The following LGSN variants were observed in gnomAD, a reference collection of about 807,000 sequenced individuals.
LGSN encodes the protein lengsin, lens protein with glutamine synthetase domain, also known as lengsin.
LGSN carries 21 observed loss-of-function variants against 19.5 expected under a neutral mutation model. The ratio of observed to expected loss-of-function variants is 1.07; its 90% CI spans 0.76 to 1.55. The LOEUF is 1.55. Ranked by LOEUF, LGSN falls within the 40% of genes most tolerant of loss-of-function variation. The pLI is 0.00. For synonymous variants in LGSN, 257 were observed against 215.6 expected (o/e 1.19, Z -1.68); for missense variants, 673 against 608.5 (o/e 1.11, Z -1.12).
chr6:63,401,688 G>C, the LGSN span, among the ~76,000 whole-genome samples: 1 of 152,212 alleles, frequency 6.6e-6, no homozygotes, highest in African/African-American at 2.4e-5. Context: ...GGGCGTGTAG[G>C]TGAAAATTGT....
At chr6:63,436,433 A>G in the LGSN span, among the ~76,000 whole-genome samples, 1 of 152,174 alleles carries the variant, frequency 6.6e-6, no homozygotes, top group Admixed American at 6.5e-5. Flanking sequence ...ATCATATAGC[A>G]TTGGTTATTA....
the LGSN span, among the ~76,000 whole-genome samples, chr6:63,380,931 T>C: frequency 1.3e-5 from 2 of 152,298 alleles, no homozygotes; most frequent in Admixed American, 1.3e-4. Context: ...GCGTGGTGGC[T>C]CAGGCCTGTA....
At chr6:63,297,276 G>A (rs554597244) in intron 1 of LGSN, among the ~76,000 whole-genome samples, 2 of 150,692 alleles carry the variant, frequency 1.3e-5, no homozygotes, top group South Asian at 2.1e-4. Flanking sequence ...AGAGGCAGCC[G>A]AGGTTGCAGT....
At chr6:63,537,861 CA>C in the LGSN span, among the ~76,000 whole-genome samples, 6 of 152,144 alleles carry the variant, frequency 3.9e-5, no homozygotes, top group African/African-American at 1.4e-4. Context: ...GCGAAAGGGC[CA>C]CGGCCGTAGT....
chr6:63,548,005 A>G, the LGSN span, among the ~76,000 whole-genome samples: 3 of 152,120 alleles, frequency 2.0e-5, no homozygotes, highest in Admixed American at 1.3e-4. Flanking sequence ...ACAATCAGGA[A>G]CTTGTTTAAT....
the LGSN span, among the ~76,000 whole-genome samples, chr6:63,326,533 G>A: frequency 6.6e-6 from 1 of 152,222 alleles, no homozygotes; most frequent in East Asian, 1.9e-4. Context: ...GGGCCGCACA[G>A]GAGCCCACGG....
the LGSN span, among the ~76,000 whole-genome samples, chr6:63,533,555 T>C: frequency 6.6e-6 from 1 of 152,238 alleles, no homozygotes; most frequent in African/African-American, 2.4e-5. Context: ...AACTATAGTA[T>C]GCGTTGTTTA....
At chr6:63,299,597 G>A (rs1408659324) in intron 1 of LGSN, among the ~76,000 whole-genome samples, 1 of 152,128 alleles carries the variant, frequency 6.6e-6, no homozygotes, top group Non-Finnish European at 1.5e-5. Context: ...TTGGAATATT[G>A]ATAGTCTGAA....
chr6:63,369,871 A>C, the LGSN span, among the ~76,000 whole-genome samples: 1 of 152,184 alleles, frequency 6.6e-6, no homozygotes, highest in South Asian at 2.1e-4. Context: ...GGCGTGGCAC[A>C]TGCCTGTTGC....
At chr6:63,560,940 T>A in the LGSN span, among the ~76,000 whole-genome samples, 2 of 152,182 alleles carry the variant, frequency 1.3e-5, no homozygotes, top group Admixed American at 6.5e-5. Flanking sequence ...AGTAAAGTAT[T>A]GCATAATCAT....
chr6:63,561,932 C>G, the LGSN span, among the ~76,000 whole-genome samples: 1 of 152,100 alleles, frequency 6.6e-6, no homozygotes, highest in African/African-American at 2.4e-5. Context: ...GGCTACAGAC[C>G]TATCGGTGCA....
At chr6:63,410,570 G>A in the LGSN span, among the ~76,000 whole-genome samples, 1 of 152,034 alleles carries the variant, frequency 6.6e-6, no homozygotes, top group Admixed American at 6.6e-5. Context: ...AAACCCACAA[G>A]GCTAACACAA....
chr6:63,492,733 G>A, the LGSN span, among the ~76,000 whole-genome samples: 35 of 152,292 alleles, frequency 2.3e-4, no homozygotes, highest in African/African-American at 8.2e-4. Context: ...CAATATCAAT[G>A]GTTGCCCAGT....
the LGSN span, among the ~76,000 whole-genome samples, chr6:63,333,927 C>T: frequency 1.1e-3 from 166 of 152,200 alleles, no homozygotes; most frequent in African/African-American, 3.8e-3. Flanking sequence ...TTCAACATGG[C>T]TTCATTATTA....
At chr6:63,329,742 T>C in the LGSN span, among the ~76,000 whole-genome samples, 5 of 152,182 alleles carry the variant, frequency 3.3e-5, no homozygotes, top group African/African-American at 1.2e-4. Context: ...CCCATACTCA[T>C]GCAGAAAATA....
the LGSN span, chr6:63,443,525 C>G: frequency 1.5e-6 from 1 of 681,228 alleles, no homozygotes; most frequent in Non-Finnish European, 1.9e-6. Context: ...CCATCTGTGA[C>G]AATGTGGTCC....
the LGSN span, among the ~76,000 whole-genome samples, chr6:63,569,822 G>C: frequency 6.6e-6 from 1 of 152,166 alleles, no homozygotes; most frequent in African/African-American, 2.4e-5. Flanking sequence ...CTATTTTCAA[G>C]TCTGTTAGAG....
the LGSN span, among the ~76,000 whole-genome samples, chr6:63,412,679 AAGAAAGAAAG>A: frequency 2.2e-5 from 3 of 134,206 alleles, no homozygotes; most frequent in South Asian, 4.9e-4. Context: ...GAAAGGAAGA[AAGAAAGAAAG>A]AGAAAGAAAG....
chr6:63,546,780 C>A, the LGSN span, among the ~76,000 whole-genome samples: 1 of 151,974 alleles, frequency 6.6e-6, no homozygotes, highest in Middle Eastern at 3.4e-3. Context: ...AGCATAGTGA[C>A]TATAGTTAAT....
Sources: gnomAD v4.1 joint callset for allele counts (sites outside exome capture counted in the v4.1 genomes callset) on GRCh38, gnomAD v4.1.1 for gene constraint, MANE v1.5 for transcripts, NCBI Gene and HGNC (gene_info 2026-07-23, HGNC 2026-07-21) for gene names.